The following C10orf67 variants were observed in gnomAD, a reference collection of about 807,000 sequenced individuals.
The protein encoded by C10orf67 is uncharacterized protein C10orf67, mitochondrial.
Under a neutral mutation model 35.6 loss-of-function variants are expected in C10orf67, and 60 were observed. The observed-to-expected ratio is 1.68, with a 90% CI of 1.37 to 2.09. The LOEUF is 2.09. C10orf67 is among the 30% of genes most tolerant of loss of function. The pLI, the probability that C10orf67 is intolerant of heterozygous loss-of-function variation, is 0.00. For synonymous variants in C10orf67, 167 were observed against 115.8 expected (o/e 1.44, Z -2.84); for missense variants, 474 against 330.2 (o/e 1.44, Z -3.38).
At chr10:23,330,301 A>G (rs969508646) in intron 2 of C10orf67, among the ~76,000 whole-genome samples, 3 of 152,086 alleles carry the variant, frequency 2.0e-5, no homozygotes, top group Non-Finnish European at 2.9e-5. Flanking sequence ...CTACAAAAAA[A>G]TAGAAAAAAA....
At chr10:23,245,501 T>G (rs1422641423) in intron 12 of C10orf67, among the ~76,000 whole-genome samples, 1 of 152,148 alleles carries the variant, frequency 6.6e-6, no homozygotes, top group African/African-American at 2.4e-5. Flanking sequence ...TGTAAGAAAC[T>G]CAGCTTAACA....
intron 4 of C10orf67, among the ~76,000 whole-genome samples, chr10:23,313,482 G>C (rs1844571764): frequency 6.6e-6 from 1 of 152,142 alleles, no homozygotes; most frequent in Non-Finnish European, 1.5e-5. Flanking sequence ...AATAAAATTT[G>C]TCAAAAACCT....
chr10:23,301,549 C>G (rs941956747), intron 5 of C10orf67, among the ~76,000 whole-genome samples: 1 of 152,172 alleles, frequency 6.6e-6, no homozygotes, highest in Non-Finnish European at 1.5e-5. Flanking sequence ...GTCCTTGCAC[C>G]CAGAGCTCCC....
Position 23,344,707 on chromosome 10 carries a change from A to T in C10orf67, c.68T>A (p.Phe23Tyr). Reference protein sequence around the residue: ...MSIVIRWVHCFSSSLRGTFGT... With the variant: ...MSIVIRWVHCYSSSLRGTFGT... ...AAAGGTCCCCCTCAAGGAGGAGGAA[A>T]AGCAGTGAACCCATCTAATAACTAT... Residue 23 changes from phenylalanine to tyrosine, a missense_variant, in exon 1 of 16, where the codon TTT becomes TAT. Coordinates refer to ENST00000636213, the MANE Select transcript of C10orf67 (RefSeq NM_001371909.1). The T allele has an allele frequency of 6.4e-7, 1 of 1,574,444 alleles. No individual in the cohort carries two copies. The highest frequency in any genetic ancestry group is 1.7e-4 in the Middle Eastern group (1 of 5,998).
intron 12 of C10orf67, among the ~76,000 whole-genome samples, chr10:23,246,762 A>G (rs1842326217): frequency 6.6e-6 from 1 of 152,166 alleles, no homozygotes; most frequent in Admixed American, 6.5e-5. Flanking sequence ...AAAGTTTAAA[A>G]CGTAAAAAAT....
intron 6 of C10orf67, 44 bp downstream of exon 6, chr10:23,291,088 G>T: frequency 1.5e-6 from 1 of 677,246 alleles, no homozygotes; most frequent in South Asian, 1.7e-5. Context: ...TTTACAAAGT[G>T]ACCAATATAC....
At chr10:23,296,579 A>AC (rs1564495531) in intron 5 of C10orf67, among the ~76,000 whole-genome samples, 1 of 152,064 alleles carries the variant, frequency 6.6e-6, no homozygotes, top group East Asian at 1.9e-4. Context: ...TTGGCTGATG[A>AC]CCGCTCTAAT....
At position 23,333,181 on chromosome 10, in the gene C10orf67, G is replaced by A. The variant is rs1482003196; in HGVS notation, c.208C>T (p.Leu70Phe). 2.0e-5 allele frequency: 32 copies of A among 1,598,002 alleles called. No individual in the cohort carries two copies. Among genetic ancestry groups the A allele is most frequent in the Non-Finnish European group, 2.7e-5 (32 of 1,170,272 alleles). Reference sequence around the variant, plus strand: ...ATCTTTAAATCATCTGAAATGTTAAGTCTGAAAACAAAGGAAATGAAATGT... The same window carrying A: ...ATCTTTAAATCATCTGAAATGTTAAATCTGAAAACAAAGGAAATGAAATGT... ...KPPQMRGSTR[L>F]NISDDLKIGF... The change falls in exon 2 of 16, where the codon CTT becomes TTT. Residue 70 changes from leucine to phenylalanine, a missense_variant and splice_region_variant. Transcript: ENST00000636213.
intron 13 of C10orf67, among the ~76,000 whole-genome samples, chr10:23,234,402 C>T (rs1841987614): frequency 6.6e-6 from 1 of 152,150 alleles, no homozygotes; most frequent in African/African-American, 2.4e-5. Context: ...AGGCCATTAT[C>T]CTTAGCAAAA....
At chr10:23,211,487 G>GA (rs1554801557) in intron 15 of C10orf67, among the ~76,000 whole-genome samples, 1 of 131,856 alleles carries the variant, frequency 7.6e-6, no homozygotes. Context: ...GTGGGGGGGG[G>GA]GGGTATCACA....
chr10:23,278,317 G>A (rs1054750600), intron 8 of C10orf67, among the ~76,000 whole-genome samples: 3 of 152,150 alleles, frequency 2.0e-5, no homozygotes, highest in Non-Finnish European at 4.4e-5. Context: ...CCCCACTGTA[G>A]TTACTCTGTG....
At chr10:23,226,332 GA>G (rs1262386986) in intron 13 of C10orf67, among the ~76,000 whole-genome samples, 5 of 150,666 alleles carry the variant, frequency 3.3e-5, no homozygotes, top group Admixed American at 2.7e-4. Context: ...CCTGCTCCTG[GA>G]TGACTACTGG....
chr10:23,319,132 G>A (rs889419909), intron 4 of C10orf67, among the ~76,000 whole-genome samples: 1 of 152,066 alleles, frequency 6.6e-6, no homozygotes, highest in African/African-American at 2.4e-5. Context: ...TCAATAGGTA[G>A]TTTTTTGATC....
Position 23,318,900 on chromosome 10 carries a change from A to G in C10orf67, c.546+1841T>C, listed in dbSNP as rs371658932. On this transcript the variant is annotated intron_variant, in intron 4 of 15. Transcript: ENST00000636213. ...CCTTCAGCACATCCAGAGTATCTCA[A>G]TGTTTGGTTTCACAGTGGCTGCAGC... The G allele has an allele frequency of 2.2e-5, 17 of 777,820 alleles. No individual in the cohort carries two copies. In the African/African-American group the frequency reaches 2.9e-4, roughly 13 times the overall value. 48.2% of individuals were successfully genotyped at this position (777,820 alleles called of 1,614,324 possible).
In C10orf67 at chr10:23,214,517, A is replaced by G. The variant is rs989077592; in HGVS notation, c.1570+9081T>C. Among the ~76,000 whole-genome samples the G allele has an allele frequency of 3.9e-5, 6 of 152,186 alleles. 1 individual carries two copies. Among genetic ancestry groups the G allele is most frequent in the Admixed American group, 3.9e-4 (6 of 15,280 alleles). On this transcript the variant is annotated intron_variant, in intron 15 of 15. Coordinates refer to ENST00000636213, the MANE Select transcript of C10orf67 (RefSeq NM_001371909.1). ...TTTAAAGTCATAAATGCATTTATTA[A>G]TATGTAATAAAAATAAAAAATGAGT...
Position 23,266,288 on chromosome 10 carries a change from T to C in C10orf67, c.1174A>G (p.Lys392Glu). 2.5e-6 allele frequency: 1 copy of C among 398,590 alleles called. No individual in the cohort carries two copies. The allele number at this position is 398,590 out of a possible 1,614,324, so 24.7% of individuals were successfully genotyped here. ...AGAQKAKMPK[K>E]ALKEDQAVVE... is the part of the protein sequence containing the mutation. ...ACAGCTTGGTCTTCCTTTAAAGCCT[T>C]CTTTGGCATTTTAGCTTTCTGGGCC... The change falls in exon 10 of 16, where the codon AAG (lysine) becomes GAG (glutamate). Residue 392 changes from lysine to glutamate, a missense_variant. Transcript: ENST00000636213.
chr10:23,275,588 T>TACAC (rs35046789), intron 8 of C10orf67, among the ~76,000 whole-genome samples: 4 of 151,606 alleles, frequency 2.6e-5, no homozygotes, highest in Admixed American at 6.6e-5. Context: ...TACACACACA[T>TACAC]ACACACACAC....
chr10:23,285,616 A>G (rs1273467172), intron 7 of C10orf67, among the ~76,000 whole-genome samples: 2 of 152,098 alleles, frequency 1.3e-5, no homozygotes, highest in Non-Finnish European at 2.9e-5. Context: ...TTTGAAATCT[A>G]GTGTGTATTT....
intron 15 of C10orf67, among the ~76,000 whole-genome samples, chr10:23,210,285 AG>A (rs764745681): frequency 2.0e-5 from 3 of 152,188 alleles, no homozygotes. Context: ...GGAGAGAGTA[AG>A]AAAAGGAGGC....
Sources: allele counts gnomAD v4.1 joint callset (sites outside exome capture counted in the v4.1 genomes callset), GRCh38; gene constraint gnomAD v4.1.1; transcripts MANE v1.5; gene names NCBI Gene and HGNC (gene_info 2026-07-23, HGNC 2026-07-21).